The following PLOD1 variants were observed in gnomAD, a reference collection of about 807,000 sequenced individuals.
PLOD1 encodes procollagen-lysine,2-oxoglutarate 5-dioxygenase 1.
Under a neutral mutation model 94.7 loss-of-function variants are expected in PLOD1, and 70 were observed. That is an observed-to-expected ratio of 0.74 (90% CI 0.61 to 0.90). The LOEUF is 0.90. PLOD1 is among the 40% of genes least tolerant of loss of function. The pLI is 0.00. For missense variants in PLOD1, 905 were observed against 972.7 expected (o/e 0.93, Z 0.93); for synonymous variants, 417 against 400.2 (o/e 1.04, Z -0.50).
intron 16 of PLOD1, among the ~76,000 whole-genome samples, chr1:11,967,595 G>A (rs866346671): frequency 0.018 from 910 of 50,436 alleles, 29 homozygotes; most frequent in African/African-American, 0.095. Context: ...GTGTGTGTGT[G>A]TGTATATATA....
Position 11,960,638 on chromosome 1 carries a change from A to T in PLOD1, c.976-8A>T. On this transcript the variant is annotated splice_polypyrimidine_tract_variant and splice_region_variant and intron_variant, in intron 9 of 18. Coordinates refer to ENST00000196061, the MANE Select transcript of PLOD1 (RefSeq NM_000302.4). ...CCCCCGCATCCCCTTCCCCATCCCC[A>T]ACCCCAGGAGCAGCACCACAAGGCT... is the stretch of plus-strand genomic sequence containing the variant. The T allele has an allele frequency of 6.7e-7, 1 of 1,491,434 alleles. No individual in the cohort carries two copies. Among genetic ancestry groups the T allele is most frequent in the East Asian group, 2.3e-5 (1 of 43,140 alleles). The allele number at this position is 1,491,434 out of a possible 1,614,324, so 92.4% of individuals were successfully genotyped here.
chr1:11,958,734 C>T lies in PLOD1; in HGVS notation c.975+87C>T. On this transcript the variant is annotated intron_variant, in intron 9 of 18. Transcript: ENST00000196061. This position sits in a 1 kb window ranked among gnomAD's most constrained non-coding sequence, Gnocchi z 4.3. ...GGTAGCCCGAGACCTCTGAGGGTCTCACCGAATCTAGCTTATCTGGGCCAA... is the reference window on the plus strand; with the variant it reads ...GGTAGCCCGAGACCTCTGAGGGTCTTACCGAATCTAGCTTATCTGGGCCAA... 3.3e-6 allele frequency: 5 copies of T among 1,500,172 alleles called. No individual in the cohort carries two copies. The highest frequency in any genetic ancestry group is 4.6e-6 in the Non-Finnish European group (5 of 1,086,820). The allele number at this position is 1,500,172 out of a possible 1,614,324, so 92.9% of individuals were successfully genotyped here. A position where few individuals can be genotyped will look rare whatever the true frequency, so the allele number is the denominator to read the frequency against.
intron 14 of PLOD1, 71 bp downstream of exon 14, chr1:11,965,664 C>A: frequency 1.1e-6 from 1 of 933,224 alleles, no homozygotes; most frequent in South Asian, 1.3e-5. Flanking sequence ...GAGGGACTTC[C>A]CTCTCAGAGT....
At position 11,958,114 on chromosome 1, in the gene PLOD1, C is replaced by T. The variant is rs1381258342; in HGVS notation, c.843+171C>T. ...CCACCCAAGTGCCTCCTCCTGGAAG[C>T]CCTCTCAGATTGCATGTCTCTAGCT... On this transcript the variant is annotated intron_variant, in intron 8 of 18. Coordinates refer to ENST00000196061, the MANE Select transcript of PLOD1 (RefSeq NM_000302.4). The surrounding 1 kb of genome is among the most constrained non-coding windows in gnomAD (Gnocchi z 4.3). 1.3e-5 allele frequency among the ~76,000 whole-genome samples: 2 copies of T among 152,108 alleles called. No individual in the cohort carries two copies. The highest frequency in any genetic ancestry group is 2.4e-5 in the African/African-American group (1 of 41,396).
At chr1:11,946,174 T>C (rs901030360) in intron 1 of PLOD1, among the ~76,000 whole-genome samples, 1 of 152,194 alleles carries the variant, frequency 6.6e-6, no homozygotes, top group African/African-American at 2.4e-5. Context: ...CCAGGTCACA[T>C]GGCTATTAAG....
At chr1:11,949,536 T>C (rs944780186) in intron 2 of PLOD1, among the ~76,000 whole-genome samples, 2 of 152,146 alleles carry the variant, frequency 1.3e-5, no homozygotes, top group African/African-American at 4.8e-5. Context: ...TCTCCTACTT[T>C]AGCCTCCCGA....
chr1:11,970,270 T>TA (rs1645851845), intron 16 of PLOD1, among the ~76,000 whole-genome samples: 1 of 151,296 alleles, frequency 6.6e-6, no homozygotes. Context: ...AAAATAAAAA[T>TA]AATAAAAATA....
chr1:11,954,200 T>TACAAA, intron 5 of PLOD1: 1 of 132,268 alleles, frequency 7.6e-6, no homozygotes, highest in Non-Finnish European at 1.6e-5. Flanking sequence ...CCAGGTGCGG[T>TACAAA]GGCTCACACC....
At chr1:11,964,831 G>T in intron 13 of PLOD1, 46 bp downstream of exon 13, 1 of 1,605,538 alleles carries the variant, frequency 6.2e-7, no homozygotes, top group Admixed American at 1.7e-5. Context: ...GATGGGGCAG[G>T]CGGGAAGGTG....
intron 15 of PLOD1, 28 bp from the exon 16 acceptor site, chr1:11,966,959 C>T (rs1474726242): frequency 2.2e-6 from 3 of 1,360,960 alleles, no homozygotes; most frequent in Middle Eastern, 1.8e-4. Flanking sequence ...ACTGTGGACC[C>T]CCTTGACTGA....
chr1:11,953,375 G>A (rs1377409428), intron 5 of PLOD1, among the ~76,000 whole-genome samples: 2 of 152,012 alleles, frequency 1.3e-5, no homozygotes, highest in African/African-American at 4.8e-5. Flanking sequence ...TAAAGAGGCA[G>A]CATTGTTCAT....
At chr1:11,948,090 C>T (rs753715117) in intron 2 of PLOD1, 23 bp downstream of exon 2, 8 of 1,513,010 alleles carry the variant, frequency 5.3e-6, no homozygotes, top group Non-Finnish European at 7.4e-6. Flanking sequence ...CTGGGTGAGG[C>T]AGAGACAGTG....
At chr1:11,953,838 C>T (rs796458484) in intron 5 of PLOD1, among the ~76,000 whole-genome samples, 1 of 151,606 alleles carries the variant, frequency 6.6e-6, no homozygotes, top group South Asian at 2.1e-4. Context: ...GAGATGTTGT[C>T]AGGATTAAAT....
At position 11,966,316 on chromosome 1, in the gene PLOD1, G is replaced by A. The variant is rs201999965; in HGVS notation, c.1650G>A (p.Thr550=). ...TKALAGKLVE[T]PCPDVYWFPI... is the part of the protein sequence containing the mutation. ...CCCTGGCAGGGAAGCTGGTGGAGAC[G>A]GTAAGGGCCATGGACACCCTCTTGG... The change falls in exon 15 of 19, where the codon ACG becomes ACA. Residue 550 remains threonine (T), a splice_region_variant and synonymous_variant. Transcript: ENST00000196061. 6.2e-5 allele frequency: 100 copies of A among 1,602,882 alleles called. 1 individual carries two copies. Among genetic ancestry groups the A allele is most frequent in the Admixed American group, 4.9e-4 (29 of 59,114 alleles).
intron 13 of PLOD1, among the ~76,000 whole-genome samples, chr1:11,965,034 T>C (rs924506413): frequency 1.3e-5 from 2 of 152,208 alleles, no homozygotes; most frequent in Admixed American, 6.5e-5. Context: ...TCTATTTTAT[T>C]TACATTTTTG....
In PLOD1 at chr1:11,966,292, C is replaced by G; in HGVS notation, c.1626C>G (p.Ala542=). ...EKYIHQNYTK[A]LAGKLVETPC... is the part of the protein sequence containing the mutation. Reference sequence around the variant, plus strand: ...ACATCCACCAGAACTACACCAAAGCCCTGGCAGGGAAGCTGGTGGAGACGG... The same window carrying G: ...ACATCCACCAGAACTACACCAAAGCGCTGGCAGGGAAGCTGGTGGAGACGG... The change falls in exon 15 of 19, where the codon GCC becomes GCG. Residue 542 remains alanine, a synonymous_variant. Coordinates refer to ENST00000196061, the MANE Select transcript of PLOD1 (RefSeq NM_000302.4). 2 of 1,608,152 alleles carry G rather than the reference C, an allele frequency of 1.2e-6. No homozygotes were observed. The highest frequency in any genetic ancestry group is 1.7e-6 in the Non-Finnish European group (2 of 1,177,336).
rs937085612 is a variant in PLOD1 at position 11,958,208 on chromosome 1, A to G, written c.843+265A>G. Among the ~76,000 whole-genome samples the G allele has an allele frequency of 1.3e-5, 2 of 149,906 alleles. No individual in the cohort carries two copies. Among genetic ancestry groups the G allele is most frequent in the African/African-American group, 2.5e-5 (1 of 40,520 alleles). On this transcript the variant is annotated intron_variant, in intron 8 of 18. Coordinates refer to ENST00000196061, the MANE Select transcript of PLOD1 (RefSeq NM_000302.4). The surrounding 1 kb of genome is among the most constrained non-coding windows in gnomAD (Gnocchi z 4.3). Reference sequence around the variant, plus strand: ...CAGGCTCTCCTGCAGCCCCCTCCCCATCCCATGAACCTCATCCTCATTTAT... The same window carrying G: ...CAGGCTCTCCTGCAGCCCCCTCCCCGTCCCATGAACCTCATCCTCATTTAT...
intron 4 of PLOD1, among the ~76,000 whole-genome samples, chr1:11,951,874 G>A (rs1444971674): frequency 4.6e-5 from 7 of 151,972 alleles, no homozygotes; most frequent in Admixed American, 1.3e-4. Context: ...AGCCGAGATC[G>A]TGCCACTGCA....
chr1:11,947,223 T>G (rs142539890), intron 1 of PLOD1, among the ~76,000 whole-genome samples: 6,343 of 145,384 alleles, frequency 0.044, 436 homozygotes, highest in African/African-American at 0.15. Flanking sequence ...GGTGACAGAG[T>G]GAGATGCTGT....
Sources: allele counts gnomAD v4.1 joint callset (sites outside exome capture counted in the v4.1 genomes callset), GRCh38; gene constraint gnomAD v4.1.1; non-coding constraint Gnocchi (gnomAD v3.1); transcripts MANE v1.5; gene names NCBI Gene and HGNC (gene_info 2026-07-23, HGNC 2026-07-21).